IKZF1: variants seen among roughly 807,000 people sequenced by gnomAD.
IKZF1 encodes the protein IKAROS family zinc finger 1.
A neutral mutation model predicts 51.7 loss-of-function variants in IKZF1; 10 were observed. That is an observed-to-expected ratio of 0.19 (90% CI 0.12 to 0.33). The LOEUF is 0.33. Among genes scored for constraint, IKZF1 ranks in the 10% least tolerant of loss-of-function variants. The pLI is 1.00. For missense variants in IKZF1, 484 were observed against 707.5 expected (o/e 0.68, Z 3.58); for synonymous variants, 280 against 282.3 (o/e 0.99, Z 0.08).
chr7:50,365,983 G>A (rs984562321), intron 3 of IKZF1, among the ~76,000 whole-genome samples: 5 of 152,190 alleles, frequency 3.3e-5, no homozygotes, highest in African/African-American at 1.2e-4. Flanking sequence ...CAGGAACATG[G>A]ATGGAGCTGG....
intron 7 of IKZF1, among the ~76,000 whole-genome samples, chr7:50,396,452 T>C (rs1349461938): frequency 6.6e-6 from 1 of 152,230 alleles, no homozygotes; most frequent in African/African-American, 2.4e-5. Flanking sequence ...TGCATTTTAT[T>C]TTGAATACTT....
At chr7:50,375,531 A>G (rs1279780135) in intron 3 of IKZF1, among the ~76,000 whole-genome samples, 1 of 152,228 alleles carries the variant, frequency 6.6e-6, no homozygotes, top group Admixed American at 6.5e-5. Context: ...TGTTGGATTC[A>G]CCAATGTATC....
At chr7:50,369,704 C>T (rs543652375) in intron 3 of IKZF1, 6 of 396,862 alleles carry the variant, frequency 1.5e-5, no homozygotes, top group East Asian at 7.1e-5. Context: ...CTTTCACCCC[C>T]TCTACTGTCC....
At chr7:50,389,866 C>G (rs1814537195) in intron 6 of IKZF1, among the ~76,000 whole-genome samples, 1 of 152,184 alleles carries the variant, frequency 6.6e-6, no homozygotes, top group Non-Finnish European at 1.5e-5. Context: ...CTGTTCCCCT[C>G]TAAGAACCCC....
intron 4 of IKZF1, among the ~76,000 whole-genome samples, chr7:50,381,423 T>G (rs1811814595): frequency 2.0e-5 from 3 of 152,260 alleles, no homozygotes; most frequent in Admixed American, 6.5e-5. Flanking sequence ...TCATGTTTAC[T>G]TAAACGTGAC....
Position 50,401,126 on chromosome 7 carries a change from C to CCAAG in IKZF1, c.*500_*503dup, listed in dbSNP as rs1381544132. The stretch of plus-strand genomic sequence containing the variant: ...GGACAGGTGTGCCGCCACCCAAGTG[C>CCAAG]CAAGACACAGCAGGGCCAACAACCT... On this transcript the variant is annotated 3_prime_UTR_variant, in exon 8 of 8. Transcript: ENST00000331340. The CCAAG allele has an allele frequency of 4.0e-6, 1 of 250,324 alleles. No individual in the cohort carries two copies. Among genetic ancestry groups the CCAAG allele is most frequent in the Admixed American group, 5.5e-5 (1 of 18,202 alleles). The allele number at this position is 250,324 out of a possible 1,614,324, so 15.5% of individuals were successfully genotyped here. A position where few individuals can be genotyped will look rare whatever the true frequency, so the allele number is the denominator to read the frequency against.
At chr7:50,341,915 A>C (rs959718910) in intron 3 of IKZF1, among the ~76,000 whole-genome samples, 3 of 151,886 alleles carry the variant, frequency 2.0e-5, no homozygotes, top group African/African-American at 7.3e-5. Context: ...GCTAGGGGTT[A>C]CCTATTGGAC....
chr7:50,331,438 C>CAAA (rs1188513813), intron 3 of IKZF1, among the ~76,000 whole-genome samples: 1,689 of 106,246 alleles, frequency 0.016, 40 homozygotes, highest in African/African-American at 0.052. Context: ...CTAAAAGATG[C>CAAA]AAAAAAAAAA....
Position 50,400,183 on chromosome 7 carries a change from C to T in IKZF1, c.1116C>T (p.Asn372=), listed in dbSNP as rs1562911826. ...NHSAQDSAVE[N]LLLLSKAKLV... is the part of the protein sequence containing the mutation. ...CGGCCCAGGACAGCGCCGTGGAGAA[C>T]CTGCTGCTGCTCTCCAAGGCCAAGT... The change falls in exon 8 of 8, where the codon AAC becomes AAT. Residue 372 remains asparagine, a synonymous_variant. Transcript: ENST00000331340. This position sits in a 1 kb window ranked among gnomAD's most constrained non-coding sequence, Gnocchi z 5.4. 6.4e-7 allele frequency: 1 copy of T among 1,570,256 alleles called. No individual in the cohort carries two copies.
rs372433515 is a variant in IKZF1, at chr7:50,375,509, T to C, written c.161-1024T>C. Reference sequence around the variant, plus strand: ...CTTTCAGTGTAACTACAAATTCTCTTAGTCATTATAGTGTTGGATTCACCA... The same window carrying C: ...CTTTCAGTGTAACTACAAATTCTCTCAGTCATTATAGTGTTGGATTCACCA... On this transcript the variant is annotated intron_variant, in intron 3 of 7. Coordinates refer to ENST00000331340, the MANE Select transcript of IKZF1 (RefSeq NM_006060.6). Among the ~76,000 whole-genome samples the C allele has an allele frequency of 6.4e-4, 98 of 152,358 alleles. 4 individuals carry two copies. The South Asian group carries it at 0.02, about 31-fold the overall frequency.
At chr7:50,319,860 C>T (rs1236466978) in intron 2 of IKZF1, among the ~76,000 whole-genome samples, 1 of 152,178 alleles carries the variant, frequency 6.6e-6, no homozygotes, top group Non-Finnish European at 1.5e-5. Flanking sequence ...CTCAGTGGCA[C>T]CTTGCCTTGG....
intron 1 of IKZF1, among the ~76,000 whole-genome samples, chr7:50,310,647 T>C (rs1245795956): frequency 6.6e-6 from 1 of 152,160 alleles, no homozygotes; most frequent in Non-Finnish European, 1.5e-5. Context: ...TTGGCATGAG[T>C]GTCTTAAGAA....
chr7:50,322,604 G>A (rs1292013529), intron 2 of IKZF1, among the ~76,000 whole-genome samples: 3 of 152,182 alleles, frequency 2.0e-5, no homozygotes, highest in South Asian at 2.1e-4. Flanking sequence ...TTTAGGGCAC[G>A]TCTCACTAAT....
intron 3 of IKZF1, chr7:50,368,316 G>A (rs925659711): frequency 2.8e-6 from 2 of 703,200 alleles, no homozygotes; most frequent in African/African-American, 3.5e-5. Flanking sequence ...CAGTAGCACT[G>A]ATGGGATTGT....
chr7:50,389,147 T>C (rs982239456), intron 6 of IKZF1, among the ~76,000 whole-genome samples: 9 of 152,236 alleles, frequency 5.9e-5, no homozygotes, highest in African/African-American at 2.2e-4. Context: ...TTCTCTGTTT[T>C]TGAATGTGAC....
rs546648003 is a variant in IKZF1 at position 50,393,089 on chromosome 7, CAAAAAAT to C, written c.850+1227_850+1233del. 1.6e-4 allele frequency among the ~76,000 whole-genome samples: 25 copies of C among 152,038 alleles called. No homozygotes were observed. In the East Asian group the frequency reaches 4.8e-3, roughly 29 times the overall value. ...CTAGGATAGTAAAGACAGCAAGTACCAAAAAATGACTGGAAAAGGGAGACTGTGGAGG... is the reference window on the plus strand; with the variant it reads ...CTAGGATAGTAAAGACAGCAAGTACCGACTGGAAAAGGGAGACTGTGGAGG... On this transcript the variant is annotated intron_variant, in intron 7 of 7. Coordinates refer to ENST00000331340, the MANE Select transcript of IKZF1 (RefSeq NM_006060.6).
chr7:50,319,800 C>T lies in IKZF1; in HGVS notation c.40+699C>T, dbSNP rs142243649. 0.01 allele frequency among the ~76,000 whole-genome samples: 1,533 copies of T among 152,308 alleles called. 112 individuals are homozygous for T. In the South Asian group the frequency reaches 0.18, roughly 18 times the overall value. ...TTTTCGGTATTTCATATTTTTGAGCCTCACAGACTCACAGCCAGCCCCAGA... is the reference window on the plus strand; with the variant it reads ...TTTTCGGTATTTCATATTTTTGAGCTTCACAGACTCACAGCCAGCCCCAGA... On this transcript the variant is annotated intron_variant, in intron 2 of 7. Transcript: ENST00000331340.
chr7:50,339,215 T>TGTGTGTG (rs1554339869), intron 3 of IKZF1, among the ~76,000 whole-genome samples: 28 of 126,480 alleles, frequency 2.2e-4, no homozygotes, highest in African/African-American at 7.3e-4. Context: ...TTGGGTAGGG[T>TGTGTGTG]TGTGTGTGTG....
At chr7:50,382,500 C>T (rs1190541619) in intron 4 of IKZF1, 40 bp from the exon 5 acceptor site, 1 of 1,583,416 alleles carries the variant, frequency 6.3e-7, no homozygotes, top group African/African-American at 1.3e-5. Flanking sequence ...TGTCCCCACG[C>T]TGAGTTTAGT....
Sources: gnomAD v4.1 joint callset for allele counts (sites outside exome capture counted in the v4.1 genomes callset) on GRCh38, gnomAD v4.1.1 for gene constraint, Gnocchi (gnomAD v3.1) non-coding constraint, MANE v1.5 for transcripts, NCBI Gene and HGNC (gene_info 2026-07-23, HGNC 2026-07-21) for gene names.